HPSE2: variants seen among roughly 807,000 people sequenced by gnomAD.
HPSE2 encodes heparanase 2 (inactive).
Under a neutral mutation model 60.5 loss-of-function variants are expected in HPSE2, and 38 were observed. That is an observed-to-expected ratio of 0.63 (90% CI 0.48 to 0.82). The LOEUF is 0.82. Ranked by LOEUF, HPSE2 falls within the 40% of genes least tolerant of loss-of-function variation. The pLI is 0.00. For synonymous variants in HPSE2, 295 were observed against 293.2 expected, an observed-to-expected ratio of 1.01 and a Z score of -0.06; for missense variants, 713 against 740.4, an observed-to-expected ratio of 0.96 and a Z score of 0.43.
At chr10:98,789,709 T>C (rs1467006479) in intron 3 of HPSE2, among the ~76,000 whole-genome samples, 1 of 152,220 alleles carries the variant, frequency 6.6e-6, no homozygotes, top group Non-Finnish European at 1.5e-5. Context: ...ACCTCATTTC[T>C]TATAGCTGGA....
At chr10:98,651,150 A>C (rs1417569673) in intron 6 of HPSE2, among the ~76,000 whole-genome samples, 1 of 152,228 alleles carries the variant, frequency 6.6e-6, no homozygotes, top group Non-Finnish European at 1.5e-5. Context: ...ATCTTACCTC[A>C]CTATGATTCT....
At chr10:98,586,712 T>A (rs1452924560) in intron 9 of HPSE2, among the ~76,000 whole-genome samples, 1 of 152,202 alleles carries the variant, frequency 6.6e-6, no homozygotes, top group African/African-American at 2.4e-5. Context: ...CCTCTTAGAC[T>A]TGATCAGAAT....
At chr10:98,920,531 T>C (rs1954252980) in intron 3 of HPSE2, among the ~76,000 whole-genome samples, 1 of 152,172 alleles carries the variant, frequency 6.6e-6, no homozygotes, top group Admixed American at 6.5e-5. Flanking sequence ...GCATCTTGCA[T>C]GTAAACCACC....
intron 2 of HPSE2, among the ~76,000 whole-genome samples, chr10:99,160,621 C>T (rs1234617854): frequency 6.6e-6 from 1 of 152,146 alleles, no homozygotes; most frequent in Non-Finnish European, 1.5e-5. Flanking sequence ...TCTACATGGC[C>T]GGGCGCGGTG....
chr10:98,942,989 C>A (rs542545788), intron 3 of HPSE2, among the ~76,000 whole-genome samples: 2 of 148,624 alleles, frequency 1.3e-5, no homozygotes, highest in East Asian at 2.0e-4. Context: ...GGACAAAAAA[C>A]CAAACGCTGC....
At chr10:98,549,641 A>G (rs555791322) in intron 9 of HPSE2, among the ~76,000 whole-genome samples, 1 of 152,288 alleles carries the variant, frequency 6.6e-6, no homozygotes, top group Non-Finnish European at 1.5e-5. Context: ...ATTTGGTCCA[A>G]GTGTTCTTTT....
intron 3 of HPSE2, among the ~76,000 whole-genome samples, chr10:99,022,712 C>A (rs771238307): frequency 1.3e-5 from 2 of 152,160 alleles, no homozygotes; most frequent in African/African-American, 4.8e-5. Flanking sequence ...TCAGGCCCTA[C>A]TTCCAGATGA....
intron 3 of HPSE2, among the ~76,000 whole-genome samples, chr10:99,128,879 C>T (rs1223226676): frequency 6.6e-6 from 1 of 151,932 alleles, no homozygotes; most frequent in Non-Finnish European, 1.5e-5. Context: ...ATCCACCAAC[C>T]AAGTATCTGC....
chr10:98,846,049 A>C (rs1336419625), intron 3 of HPSE2, among the ~76,000 whole-genome samples: 1 of 152,186 alleles, frequency 6.6e-6, no homozygotes, highest in Non-Finnish European at 1.5e-5. Flanking sequence ...AACTTTACAG[A>C]TTCTCTTTAC....
chr10:99,212,188 G>A (rs1232653321), intron 2 of HPSE2, among the ~76,000 whole-genome samples: 5 of 152,096 alleles, frequency 3.3e-5, no homozygotes, highest in Admixed American at 2.0e-4. Context: ...AAGTGTTGGT[G>A]AGGGTGTAGA....
At chr10:98,586,551 A>G (rs1944945989) in intron 9 of HPSE2, among the ~76,000 whole-genome samples, 1 of 152,346 alleles carries the variant, frequency 6.6e-6, no homozygotes, top group Middle Eastern at 3.4e-3. Context: ...TTCCATAATT[A>G]GAAAGTAACC....
intron 11 of HPSE2, among the ~76,000 whole-genome samples, chr10:98,479,368 G>A (rs1299027755): frequency 1.3e-5 from 2 of 152,202 alleles, no homozygotes; most frequent in African/African-American, 4.8e-5. Flanking sequence ...AGAACACAGA[G>A]TCTGGCCCCA....
chr10:98,750,689 C>T (rs2134352453), intron 3 of HPSE2, among the ~76,000 whole-genome samples: 1 of 152,076 alleles, frequency 6.6e-6, no homozygotes, highest in East Asian at 1.9e-4. Flanking sequence ...AAGTTTTTGG[C>T]TTAAGCAACA....
chr10:98,568,501 G>A (rs1410088414), intron 9 of HPSE2, among the ~76,000 whole-genome samples: 3 of 152,096 alleles, frequency 2.0e-5, no homozygotes, highest in Non-Finnish European at 1.5e-5. Context: ...ACTTCCTGTT[G>A]GCCAAGCCCC....
intron 3 of HPSE2, among the ~76,000 whole-genome samples, chr10:99,048,747 A>G (rs1002030351): frequency 1.3e-5 from 2 of 152,184 alleles, no homozygotes; most frequent in African/African-American, 4.8e-5. Context: ...CCAAAGGAAA[A>G]TAGATCATTA....
chr10:99,034,855 T>C (rs1957575390), intron 3 of HPSE2, among the ~76,000 whole-genome samples: 1 of 152,196 alleles, frequency 6.6e-6, no homozygotes, highest in African/African-American at 2.4e-5. Flanking sequence ...TAATTGTGAG[T>C]ATATATAAGC....
At chr10:98,781,662 T>C (rs1176806862) in intron 3 of HPSE2, among the ~76,000 whole-genome samples, 1 of 152,042 alleles carries the variant, frequency 6.6e-6, no homozygotes, top group African/African-American at 2.4e-5. Flanking sequence ...TAAAACATTT[T>C]CTCCACCAAA....
At chr10:99,104,929 G>T (rs376071497) in intron 3 of HPSE2, among the ~76,000 whole-genome samples, 1 of 152,022 alleles carries the variant, frequency 6.6e-6, no homozygotes, top group Non-Finnish European at 1.5e-5. Context: ...GGGGGAGAGG[G>T]GAGGGATAGC....
chr10:98,951,156 TG>T (rs1955345570), intron 3 of HPSE2, among the ~76,000 whole-genome samples: 1 of 152,178 alleles, frequency 6.6e-6, no homozygotes, highest in Non-Finnish European at 1.5e-5. Context: ...AGATAATCAC[TG>T]GCCCCTTTTC....
Sources: gnomAD v4.1 joint callset for allele counts (sites outside exome capture counted in the v4.1 genomes callset) on GRCh38, gnomAD v4.1.1 for gene constraint, MANE v1.5 for transcripts, NCBI Gene and HGNC (gene_info 2026-07-23, HGNC 2026-07-21) for gene names.